Variants in ERI3 observed in about 807,000 individuals in gnomAD.
ERI3 encodes ERI1 exoribonuclease 3.
Under a neutral mutation model 44.4 loss-of-function variants are expected in ERI3, and 18 were observed. That is an observed-to-expected ratio of 0.41 (90% confidence interval 0.28 to 0.60). The LOEUF (loss-of-function observed/expected upper bound fraction) is 0.60. Among genes scored for constraint, ERI3 ranks in the 20% least tolerant of loss-of-function variants. ERI3 has a pLI of 0.36. For missense variants in ERI3, 294 were observed against 435.5 expected, an observed-to-expected ratio of 0.68 and a Z score of 2.89; for synonymous variants, 183 against 164.8, an observed-to-expected ratio of 1.11 and a Z score of -0.84.
chr1:44,344,790 C>A lies in ERI3; in HGVS notation c.212-5468G>T, dbSNP rs1456116066. 2.0e-5 allele frequency among the ~76,000 whole-genome samples: 3 copies of A among 152,294 alleles called. No individual in the cohort carries two copies. In the East Asian group the frequency reaches 5.8e-4, roughly 29 times the overall value. On this transcript the variant is annotated intron_variant, in intron 2 of 8. Transcript: ENST00000372257. ...CACATTTATTCTCAGACATCCTTTT[C>A]CGTCTCCTAGCAAATTAAAGGTATT...
In ERI3 at chr1:44,235,213, G is replaced by C. The variant is rs1644276862; in HGVS notation, c.931+12726C>G. On this transcript the variant is annotated intron_variant, in intron 8 of 8. Transcript: ENST00000372257. The surrounding 1 kb of genome is among the most constrained non-coding windows in gnomAD (Gnocchi z 4.6). Reference sequence around the variant, plus strand: ...CATCCAAACCCCTTTATAAAAGTCTGAGTTCTGGACCTGTTTACATCTCTG... The same window carrying C: ...CATCCAAACCCCTTTATAAAAGTCTCAGTTCTGGACCTGTTTACATCTCTG... Among the ~76,000 whole-genome samples, 1 of 152,062 alleles carries C rather than the reference G, an allele frequency of 6.6e-6. No homozygotes were observed. The highest frequency in any genetic ancestry group is 2.4e-5 in the African/African-American group (1 of 41,392).
intron 3 of ERI3, among the ~76,000 whole-genome samples, chr1:44,326,762 T>G (rs1026735546): frequency 6.6e-6 from 1 of 152,212 alleles, no homozygotes. Flanking sequence ...AGGCTGATTT[T>G]TCACCTACAT....
At chr1:44,336,568 A>G (rs1646539627) in intron 3 of ERI3, among the ~76,000 whole-genome samples, 1 of 152,254 alleles carries the variant, frequency 6.6e-6, no homozygotes, top group Non-Finnish European at 1.5e-5. Context: ...TTGATCTGAC[A>G]GGATTTGCTC....
intron 8 of ERI3, among the ~76,000 whole-genome samples, chr1:44,222,586 TCACCACCAC>T (rs758080471): frequency 6.6e-6 from 1 of 152,150 alleles, no homozygotes; most frequent in African/African-American, 2.4e-5. Flanking sequence ...AGGATTTGTT[TCACCACCAC>T]CACCACCAGC....
At chr1:44,240,838 C>CAGA (rs768609533) in intron 8 of ERI3, among the ~76,000 whole-genome samples, 4 of 152,138 alleles carry the variant, frequency 2.6e-5, no homozygotes, top group Non-Finnish European at 4.4e-5. Context: ...CAGAACCCTG[C>CAGA]AGAAGGGTAG....
At chr1:44,266,005 T>G (rs1644984196) in intron 7 of ERI3, among the ~76,000 whole-genome samples, 1 of 152,240 alleles carries the variant, frequency 6.6e-6, no homozygotes, top group African/African-American at 2.4e-5. Context: ...CTTAAATGGG[T>G]GAATTGTATG....
At chr1:44,226,370 A>C (rs1378735379) in intron 8 of ERI3, among the ~76,000 whole-genome samples, 1 of 152,198 alleles carries the variant, frequency 6.6e-6, no homozygotes, top group African/African-American at 2.4e-5. Context: ...TGACAGTACC[A>C]GATCTTGTTT....
chr1:44,284,960 T>G, intron 6 of ERI3, 53 bp from the exon 7 acceptor site: 79 of 1,492,764 alleles, frequency 5.3e-5, no homozygotes, highest in African/African-American at 6.9e-5. Flanking sequence ...GTCCCAGGTA[T>G]GAAGTCTTAA....
At chr1:44,276,621 C>T (rs370165012) in intron 7 of ERI3, among the ~76,000 whole-genome samples, 2 of 152,194 alleles carry the variant, frequency 1.3e-5, no homozygotes, top group Non-Finnish European at 2.9e-5. Flanking sequence ...ATTCTCTAAC[C>T]ATAATCTCTA....
chr1:44,339,330 G>A lies in ERI3; in HGVS notation c.212-8C>T. 1.6e-6 allele frequency: 2 copies of A among 1,264,632 alleles called. No homozygotes were observed. Among genetic ancestry groups the A allele is most frequent in the Non-Finnish European group, 2.1e-6 (2 of 960,374 alleles). 78.3% of individuals were successfully genotyped at this position (1,264,632 alleles called of 1,614,324 possible). A position where few individuals can be genotyped will look rare whatever the true frequency, so the allele number is the denominator to read the frequency against. ...ATCCAGAAGCATCTAAAACTTAGGG[G>A]AGGAAAGTTTAAAAAAAAAAAAAAA... On this transcript the variant is annotated splice_region_variant and splice_polypyrimidine_tract_variant and intron_variant, in intron 2 of 8. Transcript: ENST00000372257.
chr1:44,342,858 T>TAAATATATATATATATA (rs1408660607), intron 2 of ERI3, among the ~76,000 whole-genome samples: 3 of 11,372 alleles, frequency 2.6e-4, no homozygotes, highest in Non-Finnish European at 4.9e-4. Flanking sequence ...TATATATATA[T>TAAATATATATATATATA]TTTTTTTTTT....
intron 3 of ERI3, among the ~76,000 whole-genome samples, chr1:44,332,738 G>A (rs1026640126): frequency 1.3e-5 from 2 of 152,184 alleles, no homozygotes; most frequent in Non-Finnish European, 2.9e-5. Flanking sequence ...TTCCCATTCC[G>A]GGAATACTAG....
chr1:44,228,030 A>T lies in ERI3; in HGVS notation c.932-6390T>A, dbSNP rs1311970449. ...GTTATTCCAACAATAAATTCCTGAT[A>T]TCCCCACCCCCCAGTTCCTTGTCTC... On this transcript the variant is annotated intron_variant, in intron 8 of 8. Transcript: ENST00000372257. This position sits in a 1 kb window ranked among gnomAD's most constrained non-coding sequence, Gnocchi z 4.3. 6.6e-6 allele frequency among the ~76,000 whole-genome samples: 1 copy of T among 152,008 alleles called. No homozygotes were observed. Among genetic ancestry groups the T allele is most frequent in the Non-Finnish European group, 1.5e-5 (1 of 68,004 alleles).
At chr1:44,322,833 A>G in intron 3 of ERI3, 1 of 1,549,684 alleles carries the variant, frequency 6.5e-7, no homozygotes, top group Non-Finnish European at 8.7e-7. Context: ...AGTTGGCACA[A>G]CTCTGCAGCC....
intron 6 of ERI3, among the ~76,000 whole-genome samples, chr1:44,303,464 C>G (rs1645768588): frequency 6.6e-6 from 1 of 152,210 alleles, no homozygotes; most frequent in Non-Finnish European, 1.5e-5. Context: ...ATTTATTGAA[C>G]AACTACTATG....
At chr1:44,352,807 G>C (rs1395209111) in intron 2 of ERI3, 43 bp downstream of exon 2, 1 of 1,612,170 alleles carries the variant, frequency 6.2e-7, no homozygotes, top group Admixed American at 1.7e-5. Flanking sequence ...CAAATACTCA[G>C]AAGAAAATAA....
intron 3 of ERI3, among the ~76,000 whole-genome samples, chr1:44,335,541 C>A (rs1212399960): frequency 6.6e-6 from 1 of 151,926 alleles, no homozygotes; most frequent in Non-Finnish European, 1.5e-5. Flanking sequence ...GGGTGGATCA[C>A]CTGAGGTGGG....
intron 6 of ERI3, among the ~76,000 whole-genome samples, chr1:44,304,591 G>A (rs1645795360): frequency 6.6e-6 from 1 of 151,890 alleles, no homozygotes; most frequent in Non-Finnish European, 1.5e-5. Flanking sequence ...CCCACAGGAC[G>A]GTCACTACCC....
chr1:44,327,523 T>C (rs1646340900), intron 3 of ERI3, among the ~76,000 whole-genome samples: 1 of 152,222 alleles, frequency 6.6e-6, no homozygotes. Context: ...ATTGGTACTA[T>C]TATTAACCCC....
Sources: gnomAD v4.1 joint callset for allele counts (sites outside exome capture counted in the v4.1 genomes callset) on GRCh38, gnomAD v4.1.1 for gene constraint, Gnocchi (gnomAD v3.1) non-coding constraint, MANE v1.5 for transcripts, NCBI Gene and HGNC (gene_info 2026-07-23, HGNC 2026-07-21) for gene names.